Variants in DAB2IP observed in about 807,000 individuals in gnomAD.
DAB2IP encodes DAB2 interacting protein.
A neutral mutation model predicts 107.2 loss-of-function variants in DAB2IP; 28 were observed. The observed-to-expected ratio is 0.26, with a 90% confidence interval of 0.19 to 0.36. The LOEUF (loss-of-function observed/expected upper bound fraction) is 0.36, where lower values mean the gene tolerates loss of function less well. DAB2IP is among the 10% of genes least tolerant of loss of function. DAB2IP has a pLI of 1.00. For synonymous variants in DAB2IP, 755 were observed against 706.4 expected (o/e 1.07, Z -1.09); for missense variants, 1,400 against 1,644.7 (o/e 0.85, Z 2.57).
intron 1 of DAB2IP, chr9:121,567,258 G>C: frequency 6.2e-7 from 1 of 1,613,888 alleles, no homozygotes; most frequent in African/African-American, 1.3e-5. Flanking sequence ...GTGCAGAGTT[G>C]GGGGTTTCAG....
At position 121,776,130 on chromosome 9, in the gene DAB2IP, C is replaced by T; in HGVS notation, c.3121-68C>T. The T allele has an allele frequency of 6.5e-7, 1 of 1,530,656 alleles. No individual in the cohort carries two copies. Among genetic ancestry groups the T allele is most frequent in the East Asian group, 2.5e-5 (1 of 40,714 alleles). 94.8% of individuals were successfully genotyped at this position (1,530,656 alleles called of 1,614,324 possible). The stretch of plus-strand genomic sequence containing the variant: ...GGGCTCCCTCCTACCCTTCCTCCCA[C>T]TCGGGCTGACGAAGCTGTGCTCTCT... On this transcript the variant is annotated intron_variant, in intron 13 of 15. Coordinates refer to ENST00000408936, the Ensembl canonical transcript of DAB2IP. The surrounding 1 kb of genome is among the most constrained non-coding windows in gnomAD (Gnocchi z 5.4).
intron 13 of DAB2IP, 117 bp downstream of exon 13, chr9:121,774,529 G>A (rs1247685482): frequency 2.1e-5 from 25 of 1,200,110 alleles, no homozygotes; most frequent in East Asian, 1.6e-4. Context: ...TGAAGGGCCC[G>A]TCACCTCTGA....
chr9:121,637,098 T>C (rs1832115865), intron 1 of DAB2IP, among the ~76,000 whole-genome samples: 1 of 152,224 alleles, frequency 6.6e-6, no homozygotes, highest in Non-Finnish European at 1.5e-5. Flanking sequence ...TCATCCTTCA[T>C]TCCAGTAAGA....
At chr9:121,770,793 T>C in intron 11 of DAB2IP, 69 bp downstream of exon 11, 1 of 1,556,232 alleles carries the variant, frequency 6.4e-7, no homozygotes, top group East Asian at 2.3e-5. Context: ...ATCTGTAATC[T>C]CAGATGGGGA....
At chr9:121,624,742 CACA>C (rs576914324) in intron 1 of DAB2IP, among the ~76,000 whole-genome samples, 21 of 152,292 alleles carry the variant, frequency 1.4e-4, no homozygotes, top group African/African-American at 3.8e-4. Context: ...ATGATGTTCA[CACA>C]ACAACAAAAT....
At chr9:121,724,313 G>C (rs994033604) in intron 3 of DAB2IP, among the ~76,000 whole-genome samples, 1 of 151,598 alleles carries the variant, frequency 6.6e-6, no homozygotes, top group African/African-American at 2.4e-5. Context: ...CCCCACGAGT[G>C]CTCCAGCATA....
intron 3 of DAB2IP, among the ~76,000 whole-genome samples, chr9:121,749,401 T>C (rs189083393): frequency 2.2e-4 from 34 of 152,350 alleles, no homozygotes; most frequent in Admixed American, 2.0e-3. Flanking sequence ...AGAAGCATGA[T>C]TGGCATGTTC....
chr9:121,699,454 G>C lies in DAB2IP; in HGVS notation c.358G>C (p.Glu120Gln). The stretch of plus-strand genomic sequence containing the variant: ...CGCCGCCGCCGCCGCCGCGGACAAT[G>C]AGAGGTGAGCCCGCCGCCGCCGCCC... The change falls in exon 3 of 16, where the codon GAG (glutamate) becomes CAG (glutamine). Residue 120 changes from glutamate (E) to glutamine (Q), a missense_variant. This residue lies in a region of DAB2IP where 283 missense variants were observed against 237.0 expected (regional missense o/e 1.19). Transcript: ENST00000408936. The surrounding 1 kb of genome is among the most constrained non-coding windows in gnomAD (Gnocchi z 6.2). 7.1e-7 allele frequency: 1 copy of C among 1,408,274 alleles called. No individual in the cohort carries two copies. The highest frequency in any genetic ancestry group is 9.4e-7 in the Non-Finnish European group (1 of 1,067,176). The allele number at this position is 1,408,274 out of a possible 1,614,324, so 87.2% of individuals were successfully genotyped here.
At chr9:121,759,037 G>A in intron 5 of DAB2IP, 41 bp downstream of exon 5, 7 of 1,571,084 alleles carry the variant, frequency 4.5e-6, no homozygotes, top group Non-Finnish European at 6.1e-6. Context: ...GGGGATTGAA[G>A]GTAGGCTCAG....
At chr9:121,688,813 A>T (rs113591959) in intron 2 of DAB2IP, among the ~76,000 whole-genome samples, 1 of 152,166 alleles carries the variant, frequency 6.6e-6, no homozygotes, top group African/African-American at 2.4e-5. Context: ...GAGTAAACGA[A>T]TTAAATGGAG....
intron 4 of DAB2IP, 88 bp from the exon 5 acceptor site, chr9:121,758,810 C>T: frequency 8.5e-7 from 1 of 1,175,786 alleles, no homozygotes; most frequent in South Asian, 1.3e-5. Context: ...TGGCCAGAGT[C>T]CCCTGAGCCT....
intron 1 of DAB2IP, among the ~76,000 whole-genome samples, chr9:121,568,027 T>A (rs1184186711): frequency 6.6e-6 from 1 of 152,010 alleles, no homozygotes; most frequent in Non-Finnish European, 1.5e-5. Flanking sequence ...GCAGCAGGTT[T>A]TGGGACTCAG....
chr9:121,711,597 A>G (rs1464772239), intron 3 of DAB2IP, among the ~76,000 whole-genome samples: 2 of 152,222 alleles, frequency 1.3e-5, no homozygotes, highest in East Asian at 1.9e-4. Context: ...TCTCCTCAGA[A>G]GCATGTTTTG....
chr9:121,691,269 C>T (rs1323029223), intron 2 of DAB2IP, among the ~76,000 whole-genome samples: 1 of 152,188 alleles, frequency 6.6e-6, no homozygotes, highest in Non-Finnish European at 1.5e-5. Flanking sequence ...AACAAACACA[C>T]TTATAATTAC....
At chr9:121,573,899 C>G (rs1830003433) in intron 1 of DAB2IP, among the ~76,000 whole-genome samples, 1 of 152,122 alleles carries the variant, frequency 6.6e-6, no homozygotes, top group Non-Finnish European at 1.5e-5. Context: ...CACCTGGAGG[C>G]CCCTCCCTGT....
rs35324441 is a variant in DAB2IP, at chr9:121,676,635, G to GCACACACACACACACACACACA, written c.125-2026_125-2025insACACACACACACACACACACAC. Reference sequence around the variant, plus strand: ...CGTAGGTGTTAGGAGTTCTGCAGACGCACACACACACACACACTCACACAC... The same window carrying GCACACACACACACACACACACA: ...CGTAGGTGTTAGGAGTTCTGCAGACGCACACACACACACACACACACACACACACACACACACACTCACACAC... On this transcript the variant is annotated intron_variant, in intron 1 of 15. Coordinates refer to ENST00000408936, the Ensembl canonical transcript of DAB2IP. Among the ~76,000 whole-genome samples, 320 of 150,542 alleles carry GCACACACACACACACACACACA rather than the reference G, an allele frequency of 2.1e-3. 1 individual carries two copies. Among genetic ancestry groups the GCACACACACACACACACACACA allele is most frequent in the Middle Eastern group, 6.8e-3 (2 of 292 alleles).
At chr9:121,751,125 TG>T (rs1249034015) in intron 3 of DAB2IP, 28 of 232,426 alleles carry the variant, frequency 1.2e-4, no homozygotes, top group African/African-American at 6.6e-4. Context: ...GCCCGGCTGC[TG>T]TGGACCTTTC....
At chr9:121,671,390 C>T (rs1833675458) in intron 1 of DAB2IP, among the ~76,000 whole-genome samples, 1 of 152,162 alleles carries the variant, frequency 6.6e-6, no homozygotes, top group Non-Finnish European at 1.5e-5. Context: ...CTCGATAATT[C>T]AGGATGATTT....
chr9:121,652,009 T>G, intron 1 of DAB2IP, 110 bp downstream of exon 1: 1 of 1,012,800 alleles, frequency 9.9e-7, no homozygotes, highest in Non-Finnish European at 1.3e-6. Flanking sequence ...TTGCCGGGGG[T>G]TTCCTCATCC....
Sources: gnomAD v4.1 joint callset for allele counts (sites outside exome capture counted in the v4.1 genomes callset) on GRCh38, gnomAD v4.1.1 for gene constraint, gnomAD v4.1.1 regional missense constraint, Gnocchi (gnomAD v3.1) non-coding constraint, MANE v1.5 for transcripts, NCBI Gene and HGNC (gene_info 2026-07-23, HGNC 2026-07-21) for gene names.